KCNT2: variants seen among roughly 807,000 people sequenced by gnomAD.
The protein encoded by KCNT2 is potassium sodium-activated channel subfamily T member 2, also known as potassium channel subfamily T member 2.
KCNT2 carries 67 observed loss-of-function variants against 153.8 expected under a neutral mutation model. The observed-to-expected ratio is 0.44, with a 90% CI of 0.36 to 0.53. The LOEUF (loss-of-function observed/expected upper bound fraction) is 0.53, where lower values mean the gene tolerates loss of function less well. KCNT2 is among the 20% of genes least tolerant of loss of function. The pLI is 0.00. For missense variants in KCNT2, 975 were observed against 1,354.8 expected (o/e 0.72, Z 4.40); for synonymous variants, 500 against 458.8 (o/e 1.09, Z -1.15).
intron 1 of KCNT2, among the ~76,000 whole-genome samples, chr1:196,603,321 A>C (rs552035688): frequency 1.3e-5 from 2 of 152,176 alleles, no homozygotes; most frequent in Non-Finnish European, 2.9e-5. Context: ...TCAAAAATTT[A>C]AAATTGTCTT....
intron 20 of KCNT2, among the ~76,000 whole-genome samples, chr1:196,318,788 C>T (rs1170509170): frequency 6.6e-6 from 1 of 151,728 alleles, no homozygotes; most frequent in African/African-American, 2.4e-5. Flanking sequence ...TCAACATCTA[C>T]AGGATAAAAT....
chr1:196,497,594 T>A (rs756162501), intron 1 of KCNT2, among the ~76,000 whole-genome samples: 1 of 152,144 alleles, frequency 6.6e-6, no homozygotes, highest in Non-Finnish European at 1.5e-5. Context: ...CCAATCCCCA[T>A]GATTACTGAG....
At chr1:196,325,115 A>G (rs1164135298) in intron 19 of KCNT2, among the ~76,000 whole-genome samples, 2 of 152,126 alleles carry the variant, frequency 1.3e-5, no homozygotes, top group East Asian at 3.9e-4. Flanking sequence ...AGTGAACTCC[A>G]GTCCCAGATA....
intron 14 of KCNT2, among the ~76,000 whole-genome samples, chr1:196,352,826 T>C (rs1224687533): frequency 6.6e-6 from 1 of 152,154 alleles, no homozygotes; most frequent in Non-Finnish European, 1.5e-5. Flanking sequence ...CTTTCCTGCT[T>C]TCTCTTGTGG....
At chr1:196,608,193 A>G (rs751541998) in intron 1 of KCNT2, 22 bp downstream of exon 1, 3 of 1,606,684 alleles carry the variant, frequency 1.9e-6, no homozygotes, top group Non-Finnish European at 2.6e-6. Flanking sequence ...TTTACAGAAC[A>G]ATCCTCCACC....
intron 1 of KCNT2, among the ~76,000 whole-genome samples, chr1:196,599,312 C>T (rs1046147532): frequency 6.6e-6 from 1 of 152,134 alleles, no homozygotes; most frequent in Non-Finnish European, 1.5e-5. Flanking sequence ...CACTTTTATC[C>T]CTATTCACAC....
chr1:196,233,524 GC>G (rs1280300637), intron 27 of KCNT2, among the ~76,000 whole-genome samples: 1 of 151,124 alleles, frequency 6.6e-6, no homozygotes, highest in East Asian at 1.9e-4. Context: ...TCCCTATTTA[GC>G]CTTTTTCAGC....
Position 196,557,914 on chromosome 1 carries a change from T to C in KCNT2, c.95+50301A>G, listed in dbSNP as rs568222016. Among the ~76,000 whole-genome samples the C allele has an allele frequency of 3.8e-4, 57 of 151,460 alleles. 1 individual carries two copies. Among genetic ancestry groups the C allele is most frequent in the Non-Finnish European group, 7.0e-4 (47 of 67,504 alleles). On this transcript the variant is annotated intron_variant, in intron 1 of 27. Transcript: ENST00000294725. ...GAAATCAAACTTCCTTATCAAAGAA[T>C]GCCTTTCAGAAATACTAAGAAAAAG...
Position 196,307,102 on chromosome 1 carries a change from A to G in KCNT2, c.2484-1757T>C, listed in dbSNP as rs768727475. On this transcript the variant is annotated intron_variant, in intron 21 of 27. Coordinates refer to ENST00000294725, the MANE Select transcript of KCNT2 (RefSeq NM_198503.5). ...AAAATACAGTAATTTTATTTGTGCA[A>G]CTGATAACTTTTTCAATAGTTCTGT... is the stretch of plus-strand genomic sequence containing the variant. 6.1e-4 allele frequency among the ~76,000 whole-genome samples: 93 copies of G among 152,070 alleles called. 2 individuals carry two copies. The highest frequency in any genetic ancestry group is 3.5e-4 in the Non-Finnish European group (24 of 68,002).
intron 1 of KCNT2, 38 bp from the exon 2 acceptor site, chr1:196,492,379 G>A: frequency 4.0e-6 from 5 of 1,259,946 alleles, no homozygotes; most frequent in Non-Finnish European, 5.2e-6. Flanking sequence ...ATGTATGCAA[G>A]CAACCATATC....
intron 26 of KCNT2, among the ~76,000 whole-genome samples, chr1:196,241,787 C>T (rs57404675): frequency 0.012 from 1,775 of 152,162 alleles, 35 homozygotes; most frequent in African/African-American, 0.041. Context: ...ACTTGATACT[C>T]AATTTTCCTT....
In KCNT2 at chr1:196,244,116, C is replaced by G. The variant is rs532762700; in HGVS notation, c.3212-8046G>C. Among the ~76,000 whole-genome samples the G allele has an allele frequency of 9.2e-5, 14 of 152,152 alleles. No homozygotes were observed. In the South Asian group the frequency reaches 2.7e-3, roughly 29 times the overall value. ...CCAGAAGGGAACCTGCTTCTTTAAA[C>G]AGAAGGATTCAGTCCTGGCAGCATT... On this transcript the variant is annotated intron_variant, in intron 26 of 27. Transcript: ENST00000294725.
At chr1:196,445,954 A>G (rs1053802380) in intron 8 of KCNT2, among the ~76,000 whole-genome samples, 1 of 151,428 alleles carries the variant, frequency 6.6e-6, no homozygotes, top group African/African-American at 2.4e-5. Flanking sequence ...GATCAATGAT[A>G]TTTGTTCAAA....
intron 1 of KCNT2, among the ~76,000 whole-genome samples, chr1:196,506,894 T>C (rs1681189424): frequency 6.6e-6 from 1 of 152,188 alleles, no homozygotes; most frequent in Non-Finnish European, 1.5e-5. Flanking sequence ...GCCTATGTCA[T>C]CATTTTTAAT....
At chr1:196,538,412 C>T (rs1285462792) in intron 1 of KCNT2, among the ~76,000 whole-genome samples, 1 of 152,088 alleles carries the variant, frequency 6.6e-6, no homozygotes, top group Admixed American at 6.6e-5. Flanking sequence ...TGGTGGGTAG[C>T]TGGAAAAACA....
chr1:196,359,957 T>A (rs1667485455), intron 14 of KCNT2, among the ~76,000 whole-genome samples: 1 of 152,032 alleles, frequency 6.6e-6, no homozygotes, highest in Non-Finnish European at 1.5e-5. Flanking sequence ...AAATCTAATT[T>A]AATAATGAAT....
intron 12 of KCNT2, among the ~76,000 whole-genome samples, chr1:196,408,294 A>G (rs1423232991): frequency 3.3e-5 from 5 of 151,404 alleles, no homozygotes; most frequent in Admixed American, 6.6e-5. Flanking sequence ...ACATCCTATT[A>G]TTTTCTTTCA....
chr1:196,480,215 G>A (rs544009983), intron 4 of KCNT2, among the ~76,000 whole-genome samples: 2 of 152,176 alleles, frequency 1.3e-5, no homozygotes, highest in African/African-American at 4.8e-5. Context: ...AAGTGTCTCA[G>A]GTAAATATAT....
rs148507665 is a variant in KCNT2, at chr1:196,432,300, G to C, written c.639-2543C>G. On this transcript the variant is annotated intron_variant, in intron 8 of 27. Coordinates refer to ENST00000294725, the MANE Select transcript of KCNT2 (RefSeq NM_198503.5). ...GGGGCCAAGAAAGAGAACTACCACCGGGGTATGGCAGCACAGAGTCCCCAA... is the reference window on the plus strand; with the variant it reads ...GGGGCCAAGAAAGAGAACTACCACCCGGGTATGGCAGCACAGAGTCCCCAA... 5.1e-3 allele frequency among the ~76,000 whole-genome samples: 780 copies of C among 152,222 alleles called. 6 individuals carry two copies. The highest frequency in any genetic ancestry group is 0.018 in the African/African-American group (757 of 41,568).
Sources: gnomAD v4.1 joint callset for allele counts (sites outside exome capture counted in the v4.1 genomes callset) on GRCh38, gnomAD v4.1.1 for gene constraint, MANE v1.5 for transcripts, NCBI Gene and HGNC (gene_info 2026-07-23, HGNC 2026-07-21) for gene names.